Variants in RYR1 observed in about 807,000 individuals in gnomAD.
RYR1 encodes central core disease of muscle.
RYR1 carries 342 observed loss-of-function variants against 583.5 expected under a neutral mutation model. The observed-to-expected ratio is 0.59, with a 90% CI of 0.54 to 0.64. RYR1 has a LOEUF of 0.64. Among genes scored for constraint, RYR1 ranks in the 30% least tolerant of loss-of-function variants. The pLI, the probability that RYR1 is intolerant of heterozygous loss-of-function variation, is 0.00. For synonymous variants in RYR1, 2,791 were observed against 2,822.5 expected (o/e 0.99, Z 0.35); for missense variants, 6,032 against 6,917.2 (o/e 0.87, Z 4.54).
chr19:38,540,123 A>G (rs2145763844), intron 84 of RYR1, among the ~76,000 whole-genome samples: 1 of 152,288 alleles, frequency 6.6e-6, no homozygotes, highest in East Asian at 1.9e-4. Flanking sequence ...ACGGGGGGCA[A>G]AAATACTTTC....
Position 38,501,005 on chromosome 19 carries a change from C to A in RYR1, c.7614+15C>A. The stretch of plus-strand genomic sequence containing the variant: ...CGCTGGACACGGTGAGCAACCCTGC[C>A]CAGCCTGGCCACCCTCCCCACTTCC... On this transcript the variant is annotated intron_variant, in intron 47 of 105. Transcript: ENST00000359596. 1 of 1,611,050 alleles carries A rather than the reference C, an allele frequency of 6.2e-7. No homozygotes were observed.
chr19:38,556,857 A>T (rs1230495379), intron 89 of RYR1, among the ~76,000 whole-genome samples: 1 of 152,020 alleles, frequency 6.6e-6, no homozygotes, highest in Non-Finnish European at 1.5e-5. Flanking sequence ...GGTTTCCTCC[A>T]AAGTGGGACT....
chr19:38,467,513 C>CT lies in RYR1; in HGVS notation c.3179-95dup, dbSNP rs558587514. 5.6e-3 allele frequency: 7,310 copies of CT among 1,309,112 alleles called. 34 individuals carry two copies. The highest frequency in any genetic ancestry group is 7.2e-3 in the Non-Finnish European group (6,506 of 902,900). 81.1% of individuals were successfully genotyped at this position (1,309,112 alleles called of 1,614,324 possible). ...CCTCTTCCAACAGTTCCCCAAAGCCCTTACTGTCCCCCAAAGCCTGTCTTC... is the reference window on the plus strand; with the variant it reads ...CCTCTTCCAACAGTTCCCCAAAGCCCTTTACTGTCCCCCAAAGCCTGTCTTC... On this transcript the variant is annotated intron_variant, in intron 24 of 105. Transcript: ENST00000359596.
At chr19:38,536,803 G>C in intron 83 of RYR1, 36 bp downstream of exon 83, 1 of 1,610,850 alleles carries the variant, frequency 6.2e-7, no homozygotes, top group South Asian at 1.1e-5. Flanking sequence ...CTGTGCTGCT[G>C]TCACCCACCC....
Position 38,506,867 on chromosome 19 carries a change from C to T in RYR1, c.8731C>T (p.Leu2911Phe). The change falls in exon 57 of 106, where the codon CTC becomes TTC. Residue 2911 changes from leucine (L) to phenylalanine (F), a missense_variant. Coordinates refer to ENST00000359596, the MANE Select transcript of RYR1 (RefSeq NM_000540.3). ...CCCCCTGCTGGTCCCCTACGACACG[C>T]TCACGGCCAAGGAGAAGGCACGAGA... The part of the protein sequence containing the change: ...THPLLVPYDT[L>F]TAKEKARDRE... The T allele has an allele frequency of 6.2e-7, 1 of 1,614,058 alleles. No individual in the cohort carries two copies. The highest frequency in any genetic ancestry group is 8.5e-7 in the Non-Finnish European group (1 of 1,180,044).
chr19:38,452,898 C>T lies in RYR1; in HGVS notation c.1324C>T (p.Leu442=). 1 of 1,613,380 alleles carries T rather than the reference C, an allele frequency of 6.2e-7. No individual in the cohort carries two copies. Among genetic ancestry groups the T allele is most frequent in the Non-Finnish European group, 8.5e-7 (1 of 1,179,672 alleles). Residue 442 remains leucine, a synonymous_variant, in exon 13 of 106, where the codon CTG becomes TTG. Coordinates refer to ENST00000359596, the MANE Select transcript of RYR1 (RefSeq NM_000540.3). The part of the protein sequence containing the change: ...GTALPIEGVI[L]SLQDLIIYFE... ...GGCGCTGCCCATCGAGGGCGTTATC[C>T]TGAGCCTGCAGGACCTCATCATCTA...
At chr19:38,520,910 A>G (rs2145695346) in intron 67 of RYR1, among the ~76,000 whole-genome samples, 1 of 152,292 alleles carries the variant, frequency 6.6e-6, no homozygotes, top group South Asian at 2.1e-4. Flanking sequence ...GTTAGGTGGA[A>G]TGAAAGAAGC....
At chr19:38,580,617 C>A in intron 101 of RYR1, 113 bp downstream of exon 101, 1 of 1,362,570 alleles carries the variant, frequency 7.3e-7, no homozygotes, top group Non-Finnish European at 1.0e-6. Flanking sequence ...CCCAGTGCGT[C>A]GGGAGGCCGA....
intron 90 of RYR1, among the ~76,000 whole-genome samples, chr19:38,563,315 G>C (rs1454803877): frequency 6.6e-6 from 1 of 152,180 alleles, no homozygotes; most frequent in Non-Finnish European, 1.5e-5. Context: ...GACCAGGCTG[G>C]AGTGCAATGG....
rs1437301703 is a variant in RYR1, at chr19:38,510,398, C to T, written c.8933-100C>T. ...ATGACTTCATACCAATACTTTATCC[C>T]CCATCATTTCCCAACTCTGCTCCCA... On this transcript the variant is annotated intron_variant, in intron 58 of 105. Coordinates refer to ENST00000359596, the MANE Select transcript of RYR1 (RefSeq NM_000540.3). 8 of 1,140,116 alleles carry T rather than the reference C, an allele frequency of 7.0e-6. No homozygotes were observed. The East Asian group carries it at 1.7e-4, about 24-fold the overall frequency. The allele number at this position is 1,140,116 out of a possible 1,614,324, so 70.6% of individuals were successfully genotyped here.
chr19:38,510,662 C>G lies in RYR1; in HGVS notation c.9003C>G (p.Ile3001Met), dbSNP rs1282007179. ...TATCTCCCCCAACCCGTCTCCAGAT[C>G]CTGCTCCCTTTGATCAACCAGTACT... Reference protein sequence around the residue: ...HEQEIKFFAKILLPLINQYFT... With the variant: ...HEQEIKFFAKMLLPLINQYFT... The change falls in exon 60 of 106, where the codon ATC becomes ATG. Residue 3001 changes from isoleucine to methionine, a missense_variant and splice_region_variant. Coordinates refer to ENST00000359596, the MANE Select transcript of RYR1 (RefSeq NM_000540.3). 1 of 1,613,996 alleles carries G rather than the reference C, an allele frequency of 6.2e-7. No homozygotes were observed. The highest frequency in any genetic ancestry group is 8.5e-7 in the Non-Finnish European group (1 of 1,180,010).
At chr19:38,447,670 C>T (rs548485712) in intron 9 of RYR1, among the ~76,000 whole-genome samples, 39 of 151,690 alleles carry the variant, frequency 2.6e-4, no homozygotes, top group African/African-American at 8.0e-4. Flanking sequence ...GGTGAAACCC[C>T]GTCTCCACTA....
At chr19:38,507,929 CCCCTTATCTG>C in intron 58 of RYR1, 102 bp downstream of exon 58, 1 of 517,682 alleles carries the variant, frequency 1.9e-6, no homozygotes, top group Non-Finnish European at 3.4e-6. Context: ...AATCCGTCCT[CCCCTTATCTG>C]ATGTTTATTG....
rs777160434 is a variant in RYR1 at position 38,475,377 on chromosome 19, T to C, written c.4220T>C (p.Leu1407Pro). The C allele has an allele frequency of 1.9e-6, 3 of 1,613,400 alleles. No homozygotes were observed. In the African/African-American group the frequency reaches 4.0e-5, roughly 22 times the overall value. Residue 1407 changes from leucine to proline, a missense_variant, in exon 29 of 106, where the codon CTG (leucine) becomes CCG (proline). Leu to Pro is a moderately conservative substitution (Grantham distance 98). This residue lies in a region of RYR1 where 2,627 missense variants were observed against 2,961.3 expected (regional missense o/e 0.89). Transcript: ENST00000359596. ...MMTQPPATPT[L>P]PRLPHDVVPA... ...ACCCAGCCACCGGCCACCCCCACGC[T>C]GCCCCGACTCCCTCACGACGTGGTG...
chr19:38,527,609 G>C, intron 72 of RYR1, 38 bp from the exon 73 acceptor site: 1 of 1,612,702 alleles, frequency 6.2e-7, no homozygotes, highest in Non-Finnish European at 8.5e-7. Flanking sequence ...CTGTGGGAAG[G>C]GTCCCTCACG....
intron 90 of RYR1, among the ~76,000 whole-genome samples, chr19:38,564,676 G>A (rs1973304960): frequency 6.6e-6 from 1 of 151,996 alleles, no homozygotes; most frequent in African/African-American, 2.4e-5. Context: ...CCACCACACC[G>A]GCTAATTTTT....
Position 38,455,674 on chromosome 19 carries a change from G to C in RYR1, c.1714G>C (p.Glu572Gln). ...VLYCVLIESP[E>Q]VLNIIQENHI... ...GTACTGTGTCCTCATTGAGAGTCCA[G>C]AGGTTCTGAACATCATCCAGGAGAA... Residue 572 changes from glutamate (E) to glutamine (Q), a missense_variant, in exon 16 of 106, where the codon GAG becomes CAG. Transcript: ENST00000359596. The C allele has an allele frequency of 6.2e-7, 1 of 1,614,034 alleles. No homozygotes were observed. Among genetic ancestry groups the C allele is most frequent in the Non-Finnish European group, 8.5e-7 (1 of 1,179,946 alleles).
Position 38,486,163 on chromosome 19 carries a change from C to A in RYR1, c.5508C>A (p.Phe1836Leu). 6.2e-7 allele frequency: 1 copy of A among 1,613,068 alleles called. No individual in the cohort carries two copies. Among genetic ancestry groups the A allele is most frequent in the Non-Finnish European group, 8.5e-7 (1 of 1,179,946 alleles). The change falls in exon 34 of 106, where the codon TTC becomes TTA. Residue 1836 changes from phenylalanine to leucine, a missense_variant. Coordinates refer to ENST00000359596, the MANE Select transcript of RYR1 (RefSeq NM_000540.3). The stretch of plus-strand genomic sequence containing the variant: ...ACCCCGTCGGGGGCTCCGTGGAGTT[C>A]CAGTTTGTGCCTGTGCTCAAGCTCG... ...ARDPVGGSVE[F>L]QFVPVLKLVS...
intron 29 of RYR1, among the ~76,000 whole-genome samples, chr19:38,476,868 C>T (rs1055994459): frequency 2.0e-5 from 3 of 152,006 alleles, no homozygotes; most frequent in Non-Finnish European, 1.5e-5. Context: ...GTGAGTTAAT[C>T]TGTGTAGACC....
Sources: allele counts gnomAD v4.1 joint callset (sites outside exome capture counted in the v4.1 genomes callset), GRCh38; gene constraint gnomAD v4.1.1; regional missense constraint gnomAD v4.1.1; transcripts MANE v1.5; gene names NCBI Gene and HGNC (gene_info 2026-07-23, HGNC 2026-07-21).